VSTM4: variants seen among roughly 807,000 people sequenced by gnomAD.
VSTM4 encodes the protein V-set and transmembrane domain-containing protein 4.
A neutral mutation model predicts 36.4 loss-of-function variants in VSTM4; 20 were observed. That is an observed-to-expected ratio of 0.55 (90% CI 0.39 to 0.80). The LOEUF (loss-of-function observed/expected upper bound fraction) is 0.80, where lower values mean the gene tolerates loss of function less well. Among genes scored for constraint, VSTM4 ranks in the 30% least tolerant of loss-of-function variants. The pLI is 0.00. For missense variants in VSTM4, 392 were observed against 404.5 expected (o/e 0.97, Z 0.26); for synonymous variants, 182 against 173.9 (o/e 1.05, Z -0.37).
At chr10:49,052,189 T>C (rs1843708504) in intron 5 of VSTM4, among the ~76,000 whole-genome samples, 1 of 152,218 alleles carries the variant, frequency 6.6e-6, no homozygotes, top group Non-Finnish European at 1.5e-5. Context: ...ATACTTACTG[T>C]CAAAATGATT....
intron 2 of VSTM4, among the ~76,000 whole-genome samples, chr10:49,100,655 T>C (rs2132017882): frequency 6.6e-6 from 1 of 151,826 alleles, no homozygotes; most frequent in African/African-American, 2.4e-5. Context: ...CATAAAGATG[T>C]CTAAGATGAA....
At chr10:49,053,886 T>A (rs1429775633) in intron 5 of VSTM4, among the ~76,000 whole-genome samples, 1 of 152,234 alleles carries the variant, frequency 6.6e-6, no homozygotes, top group African/African-American at 2.4e-5. Context: ...TCCTGAGCGA[T>A]GGGCAGCCAC....
intron 2 of VSTM4, among the ~76,000 whole-genome samples, chr10:49,100,072 AAGAGATATTATC>A (rs143387606): frequency 0.057 from 8,735 of 152,248 alleles, 841 homozygotes; most frequent in African/African-American, 0.2. Context: ...AAAGATGCCT[AAGAGATATTATC>A]AGGGCAATCC....
chr10:49,019,704 G>A lies in VSTM4; in HGVS notation c.909C>T (p.Gly303=), dbSNP rs561518432. The A allele has an allele frequency of 2.7e-5, 43 of 1,613,952 alleles. No homozygotes were observed. Among genetic ancestry groups the A allele is most frequent in the African/African-American group, 9.3e-5 (7 of 75,066 alleles). ...ELIKPHRAAK[G]APTSTVYAQI... ...GGGCGTAGACAGTGCTGGTGGGGGC[G>A]CCTTTGGCAGCCCGGTGGGGTTTGA... The change falls in exon 8 of 8, where the codon GGC becomes GGT. Residue 303 remains glycine, a synonymous_variant. Transcript: ENST00000332853.
intron 5 of VSTM4, among the ~76,000 whole-genome samples, chr10:49,054,882 CA>C (rs1372648216): frequency 1.3e-5 from 2 of 152,166 alleles, no homozygotes; most frequent in Non-Finnish European, 2.9e-5. Context: ...CTGTGTGAGC[CA>C]AGGGACTTTC....
At chr10:49,079,239 C>G (rs780020434) in intron 3 of VSTM4, among the ~76,000 whole-genome samples, 1 of 150,880 alleles carries the variant, frequency 6.6e-6, no homozygotes, top group Non-Finnish European at 1.5e-5. Context: ...GGTCTCACTC[C>G]GTCACCCAGG....
At chr10:49,035,623 C>T (rs1843416147) in intron 7 of VSTM4, among the ~76,000 whole-genome samples, 1 of 122,284 alleles carries the variant, frequency 8.2e-6, no homozygotes, top group African/African-American at 3.1e-5. Flanking sequence ...TGCTTGAGGC[C>T]AGGAGTTTGA....
chr10:49,071,802 A>C (rs1338313556), intron 4 of VSTM4, among the ~76,000 whole-genome samples: 1 of 152,224 alleles, frequency 6.6e-6, no homozygotes, highest in Non-Finnish European at 1.5e-5. Context: ...GCATACCTTG[A>C]TGCCCTCAGC....
At chr10:49,092,567 A>G (rs1428249057) in intron 2 of VSTM4, among the ~76,000 whole-genome samples, 1 of 152,178 alleles carries the variant, frequency 6.6e-6, no homozygotes, top group Non-Finnish European at 1.5e-5. Context: ...AGAGAAGAGT[A>G]TGGTCCCTTT....
At chr10:49,048,642 G>T in intron 5 of VSTM4, 58 bp from the exon 6 acceptor site, 1 of 1,162,674 alleles carries the variant, frequency 8.6e-7, no homozygotes, top group Non-Finnish European at 1.2e-6. Context: ...AAAGAGAAAG[G>T]AAAAAAAAAA....
chr10:49,049,888 C>T (rs1345393518), intron 5 of VSTM4, among the ~76,000 whole-genome samples: 4 of 152,096 alleles, frequency 2.6e-5, no homozygotes, highest in South Asian at 2.1e-4. Flanking sequence ...AGAATGATTT[C>T]GTAACATCTA....
chr10:49,047,099 C>A, intron 6 of VSTM4, 55 bp from the exon 7 acceptor site: 1 of 1,527,434 alleles, frequency 6.5e-7, no homozygotes, highest in Middle Eastern at 1.7e-4. Context: ...CACTTAGTGG[C>A]CACACATTAT....
intron 5 of VSTM4, among the ~76,000 whole-genome samples, chr10:49,054,954 C>A (rs755088820): frequency 6.6e-6 from 1 of 152,154 alleles, no homozygotes; most frequent in Non-Finnish European, 1.5e-5. Context: ...ATCTTTGCAC[C>A]CGGACATACG....
intron 4 of VSTM4, among the ~76,000 whole-genome samples, chr10:49,070,562 C>A (rs1844059435): frequency 6.6e-6 from 1 of 152,200 alleles, no homozygotes; most frequent in Non-Finnish European, 1.5e-5. Flanking sequence ...GGTGCCCCTG[C>A]AGCTGCCCAT....
intron 4 of VSTM4, among the ~76,000 whole-genome samples, chr10:49,076,332 AC>A (rs1264588603): frequency 2.6e-5 from 4 of 152,224 alleles, no homozygotes; most frequent in Non-Finnish European, 4.4e-5. Context: ...CTTAGTCCTC[AC>A]TATGAGCCTG....
In VSTM4 at chr10:49,107,713, G is replaced by T; in HGVS notation, c.338C>A (p.Ser113Tyr). The change falls in exon 2 of 8, where the codon TCC becomes TAC. Residue 113 changes from serine (S) to tyrosine (Y), a missense_variant. Transcript: ENST00000332853. ...EEQRGALYRL[S>Y]VLTLQPSDQG... ...ATCGGAGGGCTGCAGTGTCAAGACG[G>T]AGAGCCTGTAGAGCGCCCCCCGCTG... The T allele has an allele frequency of 6.2e-7, 1 of 1,614,210 alleles. No homozygotes were observed. Among genetic ancestry groups the T allele is most frequent in the Non-Finnish European group, 8.5e-7 (1 of 1,180,044 alleles).
Position 49,033,029 on chromosome 10 carries a change from C to A in VSTM4, c.838-13254G>T, listed in dbSNP as rs1403809413. ...TATCAAAATTAAAAATGAGGCTATACTTTCACATAACGATCCCACTTCTAA... is the reference window on the plus strand; with the variant it reads ...TATCAAAATTAAAAATGAGGCTATAATTTCACATAACGATCCCACTTCTAA... On this transcript the variant is annotated intron_variant, in intron 7 of 7. Coordinates refer to ENST00000332853, the MANE Select transcript of VSTM4 (RefSeq NM_001031746.5). 1.2e-4 allele frequency among the ~76,000 whole-genome samples: 18 copies of A among 151,564 alleles called. No homozygotes were observed. In the South Asian group the frequency reaches 3.7e-3, roughly 31 times the overall value.
intron 5 of VSTM4, among the ~76,000 whole-genome samples, chr10:49,058,475 A>C (rs1843820806): frequency 6.6e-6 from 1 of 152,132 alleles, no homozygotes; most frequent in African/African-American, 2.4e-5. Flanking sequence ...CTCCCTGGGA[A>C]GGGCACATTG....
intron 2 of VSTM4, among the ~76,000 whole-genome samples, chr10:49,095,927 G>T (rs567521421): frequency 2.0e-5 from 3 of 152,310 alleles, no homozygotes; most frequent in Middle Eastern, 6.8e-3. Context: ...CTTCATGCAT[G>T]TTTGTGAGAT....
Sources: gnomAD v4.1 joint callset for allele counts (sites outside exome capture counted in the v4.1 genomes callset) on GRCh38, gnomAD v4.1.1 for gene constraint, MANE v1.5 for transcripts, NCBI Gene and HGNC (gene_info 2026-07-23, HGNC 2026-07-21) for gene names.